Variants in TIMD4 observed in about 807,000 individuals in gnomAD.
The protein encoded by TIMD4 is T-cell immunoglobulin and mucin domain-containing protein 4.
In TIMD4, 31 loss-of-function variants were observed where a neutral mutation model predicts 41.2. The observed-to-expected ratio is 0.75, with a 90% confidence interval of 0.57 to 1.01. The LOEUF is 1.01. Ranked by LOEUF, TIMD4 falls within the 50% of genes least tolerant of loss-of-function variation. The pLI, the probability that TIMD4 is intolerant of heterozygous loss-of-function variation, is 0.00. For synonymous variants in TIMD4, 204 were observed against 177.1 expected (o/e 1.15, Z -1.21); for missense variants, 479 against 472.5 (o/e 1.01, Z -0.13).
chr5:156,953,653 C>CAA (rs35165963), intron 2 of TIMD4, among the ~76,000 whole-genome samples: 27,754 of 58,180 alleles, frequency 0.48, 5,724 homozygotes, highest in East Asian at 0.61. Context: ...AAACTCTGTC[C>CAA]AAAAAAAAAA....
chr5:156,947,752 C>G (rs1475517086), intron 5 of TIMD4, among the ~76,000 whole-genome samples: 2 of 152,044 alleles, frequency 1.3e-5, no homozygotes, highest in African/African-American at 4.8e-5. Context: ...GCTATGTAGA[C>G]ACATAAGGGA....
At chr5:156,961,401 A>C (rs1406061436) in intron 1 of TIMD4, among the ~76,000 whole-genome samples, 2 of 152,232 alleles carry the variant, frequency 1.3e-5, no homozygotes, top group Non-Finnish European at 2.9e-5. Flanking sequence ...AAAGAAAGGA[A>C]ATCAATTAAA....
At chr5:156,949,967 G>A (rs1032784187) in intron 3 of TIMD4, among the ~76,000 whole-genome samples, 12 of 151,972 alleles carry the variant, frequency 7.9e-5, no homozygotes, top group South Asian at 4.2e-4. Context: ...ACAGGTACCC[G>A]CCACCATGCC....
At chr5:156,958,301 GAAAGAAGGAAAGGAAAGGAAAGGA>G (rs1760013892) in intron 1 of TIMD4, among the ~76,000 whole-genome samples, 1 of 121,234 alleles carries the variant, frequency 8.2e-6, no homozygotes, top group Non-Finnish European at 1.7e-5. Context: ...GAGAAAGAAA[GAAAGAAGGAAAGGAAAGGAAAGGA>G]AAGGAAAGGA....
chr5:156,954,807 A>C (rs1334102702), intron 1 of TIMD4, 51 bp from the exon 2 acceptor site: 1 of 1,443,858 alleles, frequency 6.9e-7, no homozygotes, highest in Non-Finnish European at 9.4e-7. Flanking sequence ...AATCTCTCAA[A>C]CATGCTACAC....
intron 6 of TIMD4, chr5:156,924,426 CA>C: frequency 4.2e-6 from 2 of 472,296 alleles, no homozygotes; most frequent in Admixed American, 4.8e-5. Flanking sequence ...TGAATATCTC[CA>C]AAATGCACCT....
chr5:156,920,548 T>C (rs764083751), intron 7 of TIMD4, 45 bp from the exon 8 acceptor site: 5 of 1,603,178 alleles, frequency 3.1e-6, no homozygotes, highest in East Asian at 4.5e-5. Context: ...CTGCGGTGCA[T>C]AGAACATGCA....
chr5:156,936,820 T>C (rs1016147176), intron 5 of TIMD4, among the ~76,000 whole-genome samples: 4 of 150,748 alleles, frequency 2.7e-5, no homozygotes, highest in Admixed American at 1.3e-4. Context: ...TAATCCCAGC[T>C]ACTCAGGAGG....
At chr5:156,950,620 T>G (rs1370847931) in intron 3 of TIMD4, among the ~76,000 whole-genome samples, 1 of 152,180 alleles carries the variant, frequency 6.6e-6, no homozygotes, top group Middle Eastern at 3.2e-3. Context: ...AGTGACAGCC[T>G]TGACAAGCCC....
intron 5 of TIMD4, among the ~76,000 whole-genome samples, chr5:156,937,004 G>C (rs952945753): frequency 1.8e-4 from 27 of 150,904 alleles, no homozygotes; most frequent in Non-Finnish European, 3.5e-4. Flanking sequence ...TTTTGGAAAA[G>C]AGATTCTAAT....
chr5:156,941,462 T>A (rs1759651340), intron 5 of TIMD4, among the ~76,000 whole-genome samples: 1 of 152,266 alleles, frequency 6.6e-6, no homozygotes, highest in African/African-American at 2.4e-5. Context: ...TGTTAAATAA[T>A]CACCAAAGAC....
At chr5:156,941,074 G>T (rs1465395771) in intron 5 of TIMD4, among the ~76,000 whole-genome samples, 1 of 152,066 alleles carries the variant, frequency 6.6e-6, no homozygotes, top group Non-Finnish European at 1.5e-5. Context: ...ATGGATTAAG[G>T]GCGGTGCAAG....
At chr5:156,919,655 T>A in intron 8 of TIMD4, 114 bp from the exon 9 acceptor site, 1 of 761,184 alleles carries the variant, frequency 1.3e-6, no homozygotes, top group South Asian at 1.8e-5. Flanking sequence ...GGCTCACAGT[T>A]CATTTAGTCT....
At chr5:156,953,155 T>TTA (rs1561553878) in intron 2 of TIMD4, among the ~76,000 whole-genome samples, 1 of 152,244 alleles carries the variant, frequency 6.6e-6, no homozygotes, top group Non-Finnish European at 1.5e-5. Context: ...TAATAGCTGG[T>TTA]TATACCCAAC....
chr5:156,920,335 A>G (rs766107117), intron 8 of TIMD4, 129 bp downstream of exon 8: 341 of 1,049,308 alleles, frequency 3.2e-4, no homozygotes, highest in Middle Eastern at 1.0e-3. Flanking sequence ...TTCACTTCTA[A>G]TGTCACATCT....
At chr5:156,928,238 C>A (rs1759383448) in intron 5 of TIMD4, among the ~76,000 whole-genome samples, 1 of 151,906 alleles carries the variant, frequency 6.6e-6, no homozygotes, top group Non-Finnish European at 1.5e-5. Flanking sequence ...GGGGAGATTG[C>A]AGTGAGCCGA....
At chr5:156,955,245 C>T (rs1209637556) in intron 1 of TIMD4, among the ~76,000 whole-genome samples, 1 of 152,156 alleles carries the variant, frequency 6.6e-6, no homozygotes, top group Non-Finnish European at 1.5e-5. Flanking sequence ...GATTTGAGTT[C>T]CATTCGCTAA....
rs146696975 is a variant in TIMD4, at chr5:156,951,574, G to A, written c.617C>T (p.Pro206Leu). The A allele has an allele frequency of 8.5e-5, 137 of 1,613,934 alleles. No homozygotes were observed. The highest frequency in any genetic ancestry group is 2.0e-4 in the South Asian group (18 of 91,084). Residue 206 changes from proline (P) to leucine (L), a missense_variant, in exon 3 of 9, where the codon CCG becomes CTG. Coordinates refer to ENST00000274532, the MANE Select transcript of TIMD4 (RefSeq NM_138379.3). ...TCLSLTPSTL[P>L]EEATGLLTPE... ...AGTCAGAAGACCTGTGGCTTCCTCC[G>A]GAAGGGTGCTTGGGGTTAGTGAAAG...
chr5:156,963,211 C>T lies in TIMD4; in HGVS notation c.-13G>A. On this transcript the variant is annotated 5_prime_UTR_variant, in exon 1 of 9. Transcript: ENST00000274532. ...GTTCTTTGGACATTTTGACGGTTGA[C>T]CGGACCCAGGAGTCTGTCTATCTAT... 2 of 1,614,066 alleles carry T rather than the reference C, an allele frequency of 1.2e-6. No homozygotes were observed. Among genetic ancestry groups the T allele is most frequent in the South Asian group, 2.2e-5 (2 of 91,074 alleles).
Sources: allele counts gnomAD v4.1 joint callset (sites outside exome capture counted in the v4.1 genomes callset), GRCh38; gene constraint gnomAD v4.1.1; transcripts MANE v1.5; gene names NCBI Gene and HGNC (gene_info 2026-07-23, HGNC 2026-07-21).